Variants in SLC5A10 observed in about 807,000 individuals in gnomAD.
The protein encoded by SLC5A10 is sodium/mannose cotransporter SLC5A10.
Under a neutral mutation model 68.9 loss-of-function variants are expected in SLC5A10, and 55 were observed. That is an observed-to-expected ratio of 0.80 (90% CI 0.64 to 1.00). SLC5A10 has a LOEUF of 1.00. SLC5A10 is among the 50% of genes least tolerant of loss of function. The pLI, the probability that SLC5A10 is intolerant of heterozygous loss-of-function variation, is 0.00. For missense variants in SLC5A10, 732 were observed against 819.3 expected, an observed-to-expected ratio of 0.89 and a Z score of 1.30; for synonymous variants, 344 against 344.8, an observed-to-expected ratio of 1.00 and a Z score of 0.02.
chr17:18,979,631 G>C (rs370774339), intron 9 of SLC5A10: 4 of 1,613,486 alleles, frequency 2.5e-6, no homozygotes, highest in Non-Finnish European at 3.4e-6. Context: ...GTTGCCGACC[G>C]CGTGAAGAAC....
Position 19,021,888 on chromosome 17 carries a change from G to A in SLC5A10, c.*1457G>A, listed in dbSNP as rs2044269645. 1.4e-6 allele frequency: 2 copies of A among 1,396,302 alleles called. No individual in the cohort carries two copies. 86.5% of individuals were successfully genotyped at this position (1,396,302 alleles called of 1,614,324 possible). ...CCCCGTGTGACTCTGACAGAGCTGG[G>A]GGTGTCCATGTCCTCTCTGGACCTC... On this transcript the variant is annotated 3_prime_UTR_variant, in exon 15 of 15. Coordinates refer to ENST00000395645, the MANE Select transcript of SLC5A10 (RefSeq NM_001042450.4). The surrounding 1 kb of genome is among the most constrained non-coding windows in gnomAD (Gnocchi z 4.1).
chr17:19,019,058 G>T, intron 11 of SLC5A10: 1 of 223,458 alleles, frequency 4.5e-6, no homozygotes, highest in Non-Finnish European at 8.7e-6. Flanking sequence ...AAGACAGGCA[G>T]TAAACAAGTA....
Position 19,004,282 on chromosome 17 carries a change from C to A in SLC5A10, c.983-9128C>A. The A allele has an allele frequency of 2.0e-6, 1 of 488,704 alleles. No homozygotes were observed. The highest frequency in any genetic ancestry group is 3.6e-6 in the Non-Finnish European group (1 of 277,714). The allele number at this position is 488,704 out of a possible 1,614,324, so 30.3% of individuals were successfully genotyped here. A position where few individuals can be genotyped will look rare whatever the true frequency, so the allele number is the denominator to read the frequency against. Reference sequence around the variant, plus strand: ...GGGCGTGGGAAGGACGGGGCTGGGGCTGGGGCTGGGAAGATGAGGTGGGGG... The same window carrying A: ...GGGCGTGGGAAGGACGGGGCTGGGGATGGGGCTGGGAAGATGAGGTGGGGG... On this transcript the variant is annotated intron_variant, in intron 9 of 14. Transcript: ENST00000395645. The surrounding 1 kb of genome is among the most constrained non-coding windows in gnomAD (Gnocchi z 5.4).
chr17:18,997,126 A>G (rs1353667188), intron 9 of SLC5A10, among the ~76,000 whole-genome samples: 1 of 152,250 alleles, frequency 6.6e-6, no homozygotes, highest in Non-Finnish European at 1.5e-5. Context: ...AGGCCTTCTG[A>G]GCACCAAATG....
In SLC5A10 at chr17:19,020,223, G is replaced by A; in HGVS notation, c.1684+11G>A. 2 of 1,612,672 alleles carry A rather than the reference G, an allele frequency of 1.2e-6. No homozygotes were observed. Among genetic ancestry groups the A allele is most frequent in the Non-Finnish European group, 1.7e-6 (2 of 1,179,342 alleles). On this transcript the variant is annotated intron_variant, in intron 14 of 14. Transcript: ENST00000395645. ...TGGGAACTAAAGCAGGTAAGTGGAT[G>A]ACCCTAGGCACTCCTCCACCTTGAC...
At chr17:18,959,278 G>A in intron 3 of SLC5A10, 39 bp downstream of exon 3, 1 of 1,593,016 alleles carries the variant, frequency 6.3e-7, no homozygotes, top group Non-Finnish European at 8.6e-7. Context: ...GGAGGGCCAG[G>A]GCACAGGATG....
At chr17:18,980,153 G>T (rs887325831) in intron 9 of SLC5A10, among the ~76,000 whole-genome samples, 1 of 152,154 alleles carries the variant, frequency 6.6e-6, no homozygotes, top group African/African-American at 2.4e-5. Context: ...CTTATACTCC[G>T]ATAAGTCTGT....
chr17:18,952,356 A>G, intron 1 of SLC5A10, 40 bp downstream of exon 1: 1 of 1,585,586 alleles, frequency 6.3e-7, no homozygotes, highest in South Asian at 1.1e-5. Flanking sequence ...GTGGGCTCTC[A>G]GGGTTGGTGC....
Position 18,958,664 on chromosome 17 carries a change from C to T in SLC5A10, c.112-18C>T, listed in dbSNP as rs56137531. 17,694 of 1,613,682 alleles carry T rather than the reference C, an allele frequency of 0.011. 1,600 individuals are homozygous for T. The African/African-American group carries it at 0.2, about 18-fold the overall frequency. Reference sequence around the variant, plus strand: ...AGTGTGCGGGCTTCCAACTCCTGTCCCTTTTCTCCTCTTGCAGTCCTCTTG... The same window carrying T: ...AGTGTGCGGGCTTCCAACTCCTGTCTCTTTTCTCCTCTTGCAGTCCTCTTG... On this transcript the variant is annotated intron_variant, in intron 1 of 14. Transcript: ENST00000395645.
chr17:19,004,223 G>C lies in SLC5A10; in HGVS notation c.983-9187G>C, dbSNP rs1597897345. 12 of 499,446 alleles carry C rather than the reference G, an allele frequency of 2.4e-5. No individual in the cohort carries two copies. In the East Asian group the frequency reaches 4.6e-4, roughly 19 times the overall value. The allele number at this position is 499,446 out of a possible 1,614,324, so 30.9% of individuals were successfully genotyped here. A position where few individuals can be genotyped will look rare whatever the true frequency, so the allele number is the denominator to read the frequency against. On this transcript the variant is annotated intron_variant, in intron 9 of 14. Transcript: ENST00000395645. This position sits in a 1 kb window ranked among gnomAD's most constrained non-coding sequence, Gnocchi z 5.4. ...CGGCGGGGAGGGCGGGCCGCGCGGG[G>C]AGGGGCGGCGGGGGCGGGGCCGGGA...
intron 9 of SLC5A10, chr17:18,977,321 G>C (rs1177541801): frequency 1.7e-6 from 1 of 579,852 alleles, no homozygotes; most frequent in African/African-American, 1.9e-5. Flanking sequence ...AGGCTTTGGA[G>C]ACCTCTAGGT....
chr17:19,019,275 C>G (rs1395223646), intron 11 of SLC5A10, 148 bp from the exon 12 acceptor site: 5 of 957,070 alleles, frequency 5.2e-6, no homozygotes, highest in Non-Finnish European at 7.6e-6. Context: ...GGCCAGGTCA[C>G]TGGTGGTGTG....
intron 13 of SLC5A10, 32 bp downstream of exon 13, chr17:19,019,960 C>T: frequency 6.4e-7 from 1 of 1,557,926 alleles, no homozygotes; most frequent in Non-Finnish European, 8.7e-7. Context: ...ACCCTGACCC[C>T]TAACAATTTC....
At chr17:19,019,621 G>C (rs748013252) in intron 12 of SLC5A10, 30 bp downstream of exon 12, 1 of 1,606,728 alleles carries the variant, frequency 6.2e-7, no homozygotes, top group Admixed American at 1.7e-5. Flanking sequence ...TCTCCCTGGG[G>C]ACGTGCCACA....
intron 9 of SLC5A10, among the ~76,000 whole-genome samples, chr17:19,009,095 G>A (rs1430360280): frequency 6.6e-6 from 1 of 151,878 alleles, no homozygotes; most frequent in Non-Finnish European, 1.5e-5. Flanking sequence ...TTACAGGCAT[G>A]AGCCACCGTT....
chr17:18,964,212 C>T, intron 5 of SLC5A10, among the ~76,000 whole-genome samples: 1 of 152,208 alleles, frequency 6.6e-6, no homozygotes. Flanking sequence ...GGCCGCATCC[C>T]CAGGGCTGCC....
chr17:19,015,174 G>C lies in SLC5A10; in HGVS notation c.1216G>C (p.Glu406Gln), dbSNP rs768817506. The change falls in exon 11 of 15, where the codon GAG (glutamate) becomes CAG (glutamine). Residue 406 changes from glutamate (E) to glutamine (Q), a missense_variant. Glu to Gln is a conservative substitution (Grantham distance 29). Transcript: ENST00000395645. ...GAGGCGGCTGCGTCCCCGCTCCGGC[G>C]AGCGGGAGCTCCTGCTGGTGGGACG... is the stretch of plus-strand genomic sequence containing the variant. ...IWRRLRPRSG[E>Q]RELLLVGRLV... 2 of 1,612,166 alleles carry C rather than the reference G, an allele frequency of 1.2e-6. No homozygotes were observed. The highest frequency in any genetic ancestry group is 1.7e-6 in the Non-Finnish European group (2 of 1,179,140).
chr17:19,009,044 C>G (rs954810177), intron 9 of SLC5A10, among the ~76,000 whole-genome samples: 1 of 149,622 alleles, frequency 6.7e-6, no homozygotes, highest in Admixed American at 6.7e-5. Context: ...AACTCCTGGC[C>G]TCAAGTGATT....
At chr17:18,964,211 C>T (rs192647040) in intron 5 of SLC5A10, among the ~76,000 whole-genome samples, 4 of 152,300 alleles carry the variant, frequency 2.6e-5, no homozygotes, top group Non-Finnish European at 5.9e-5. Flanking sequence ...TGGCCGCATC[C>T]CCAGGGCTGC....
Sources: allele counts gnomAD v4.1 joint callset (sites outside exome capture counted in the v4.1 genomes callset), GRCh38; gene constraint gnomAD v4.1.1; non-coding constraint Gnocchi (gnomAD v3.1); transcripts MANE v1.5; gene names NCBI Gene and HGNC (gene_info 2026-07-23, HGNC 2026-07-21).